The following NFRKB variants were observed in gnomAD, a reference collection of about 807,000 sequenced individuals.
NFRKB encodes the protein nuclear factor related to kappaB binding protein.
Under a neutral mutation model 135.7 loss-of-function variants are expected in NFRKB, and 62 were observed. That is an observed-to-expected ratio of 0.46 (90% CI 0.37 to 0.56). The LOEUF is 0.56. NFRKB is among the 20% of genes least tolerant of loss of function. The pLI is 0.00. For missense variants in NFRKB, 1,545 were observed against 1,662.0 expected (o/e 0.93, Z 1.22); for synonymous variants, 678 against 635.6 (o/e 1.07, Z -1.00).
intron 13 of NFRKB, 107 bp downstream of exon 13, chr11:129,881,336 C>A: frequency 8.7e-7 from 1 of 1,153,884 alleles, no homozygotes. Flanking sequence ...TCTGATATTG[C>A]TTTTTAAAAC....
intron 24 of NFRKB, among the ~76,000 whole-genome samples, chr11:129,867,900 C>T (rs1591472700): frequency 6.6e-6 from 1 of 152,220 alleles, no homozygotes; most frequent in African/African-American, 2.4e-5. Flanking sequence ...GCCTTTCAAG[C>T]TAGTGGGGGA....
chr11:129,895,206 C>G (rs1657833708), intron 1 of NFRKB, among the ~76,000 whole-genome samples: 1 of 152,198 alleles, frequency 6.6e-6, no homozygotes, highest in Non-Finnish European at 1.5e-5. Context: ...CCTTCCAGAG[C>G]AACCGCCGGC....
chr11:129,881,595 A>G (rs1949030628), intron 12 of NFRKB, 87 bp from the exon 13 acceptor site: 1 of 1,597,232 alleles, frequency 6.3e-7, no homozygotes, highest in African/African-American at 1.3e-5. Context: ...ATGTATTAGA[A>G]AAGCAGGAAC....
chr11:129,870,208 T>C lies in NFRKB; in HGVS notation c.2817A>G (p.Pro939=), dbSNP rs755592870. The change falls in exon 24 of 27, where the codon CCA becomes CCG. Residue 939 remains proline (P), a synonymous_variant. Transcript: ENST00000682444. ...GVKPQTGNSI[P]LTATNFRIQG... is the part of the protein sequence containing the mutation. ...GGATGCGGAAGTTAGTGGCTGTGAG[T>C]GGAATGCTGTTGCCTGTTTGGGGCT... is the stretch of plus-strand genomic sequence containing the variant. 1.9e-6 allele frequency: 3 copies of C among 1,614,044 alleles called. No individual in the cohort carries two copies. The highest frequency in any genetic ancestry group is 2.5e-6 in the Non-Finnish European group (3 of 1,180,004).
rs867336228 is a variant in NFRKB, at chr11:129,875,496, T to C, written c.1748-33A>G. ...CATGAGAAAGCACACAGTCCACAAG[T>C]CAGGCAGGGTTCCTACGGAGGTACA... On this transcript the variant is annotated intron_variant, in intron 17 of 26. Transcript: ENST00000682444. 9 of 1,534,650 alleles carry C rather than the reference T, an allele frequency of 5.9e-6. No individual in the cohort carries two copies. The Middle Eastern group carries it at 1.4e-3, about 230-fold the overall frequency.
At chr11:129,892,675 C>A (rs367824717) in intron 3 of NFRKB, 40 bp downstream of exon 3, 2 of 1,602,468 alleles carry the variant, frequency 1.2e-6, no homozygotes, top group African/African-American at 2.7e-5. Context: ...TACAAGGAAG[C>A]TGACAGAGAG....
At position 129,884,814 on chromosome 11, in the gene NFRKB, G is replaced by T. The variant is rs753017024; in HGVS notation, c.673C>A (p.Arg225Ser). ...AGGGGCACCGCAGGACTAGGAGAAC[G>T]TGCTGGAGAGCTCGGAAGCCATGAG... ...LSSWLPSSPA[R>S]SPSPAVPLRV... Residue 225 changes from arginine (R) to serine (S), a missense_variant, in exon 7 of 27, where the codon CGT (arginine) becomes AGT (serine). Transcript: ENST00000682444. 6.2e-7 allele frequency: 1 copy of T among 1,614,212 alleles called. No individual in the cohort carries two copies. The highest frequency in any genetic ancestry group is 1.3e-5 in the African/African-American group (1 of 75,064).
At chr11:129,867,473 C>T (rs533433308) in intron 24 of NFRKB, among the ~76,000 whole-genome samples, 4 of 152,152 alleles carry the variant, frequency 2.6e-5, no homozygotes, top group Admixed American at 6.5e-5. Context: ...CCCACCACCA[C>T]GCCCGGCTAA....
chr11:129,866,576 CAATA>C (rs1948204010), intron 24 of NFRKB, among the ~76,000 whole-genome samples: 1 of 151,634 alleles, frequency 6.6e-6, no homozygotes, highest in African/African-American at 2.4e-5. Context: ...GGGACACTAA[CAATA>C]AACTCAATCA....
intron 4 of NFRKB, chr11:129,888,262 A>C: frequency 3.4e-6 from 2 of 589,780 alleles, no homozygotes; most frequent in South Asian, 4.2e-5. Flanking sequence ...GCAATAAAGC[A>C]AATGGCAAGC....
intron 4 of NFRKB, among the ~76,000 whole-genome samples, chr11:129,887,991 T>C (rs7929654): frequency 0.34 from 52,071 of 152,090 alleles, 9,626 homozygotes; most frequent in Non-Finnish European, 0.4. Context: ...GAGCTGAGAT[T>C]GCGCCACTGC....
chr11:129,866,861 A>G (rs978358629), intron 24 of NFRKB, among the ~76,000 whole-genome samples: 1 of 152,162 alleles, frequency 6.6e-6, no homozygotes. Flanking sequence ...GCAGGCTAAC[A>G]CTAAGGAGAT....
intron 24 of NFRKB, among the ~76,000 whole-genome samples, chr11:129,869,140 A>T (rs1948364980): frequency 6.6e-6 from 1 of 152,236 alleles, no homozygotes; most frequent in Admixed American, 6.5e-5. Flanking sequence ...ATAAATGCCG[A>T]ACTACCAACA....
intron 2 of NFRKB, among the ~76,000 whole-genome samples, chr11:129,893,542 A>G (rs1949655033): frequency 6.6e-6 from 1 of 151,388 alleles, no homozygotes; most frequent in Non-Finnish European, 1.5e-5. Flanking sequence ...CCTGGGCAAC[A>G]GAGACCCTGT....
At chr11:129,879,690 G>A (rs543918659) in intron 13 of NFRKB, among the ~76,000 whole-genome samples, 2 of 152,250 alleles carry the variant, frequency 1.3e-5, no homozygotes, top group African/African-American at 4.8e-5. Context: ...CTCTCATGCT[G>A]TCACTCAGCC....
chr11:129,864,883 A>T (rs1487717211), intron 26 of NFRKB, 33 bp from the exon 27 acceptor site: 1 of 1,614,020 alleles, frequency 6.2e-7, no homozygotes. Context: ...AGGTCAATGG[A>T]TTGCAAGCGG....
intron 25 of NFRKB, 139 bp downstream of exon 25, chr11:129,865,738 G>C: frequency 1.4e-6 from 1 of 692,264 alleles, no homozygotes; most frequent in African/African-American, 1.8e-5. Context: ...AAATACTGTT[G>C]ATGAGCACAA....
chr11:129,871,682 C>T (rs1257314151), intron 23 of NFRKB, among the ~76,000 whole-genome samples: 3 of 152,204 alleles, frequency 2.0e-5, no homozygotes, highest in Non-Finnish European at 4.4e-5. Flanking sequence ...AACGGTCACT[C>T]CCATCTGCGG....
In NFRKB at chr11:129,869,916, T is replaced by C. The variant is rs750848856; in HGVS notation, c.3109A>G (p.Thr1037Ala). 4 of 1,614,088 alleles carry C rather than the reference T, an allele frequency of 2.5e-6. No individual in the cohort carries two copies. Among genetic ancestry groups the C allele is most frequent in the East Asian group, 2.2e-5 (1 of 44,904 alleles). ...GTCACTTTGACCACAGTGGTACCTGTTGGAGTGGATGAAGGGGCACTGGCT... is the reference window on the plus strand; with the variant it reads ...GTCACTTTGACCACAGTGGTACCTGCTGGAGTGGATGAAGGGGCACTGGCT... ...SSASAPSSTP[T>A]GTTVVKVTPD... Residue 1037 changes from threonine to alanine, a missense_variant, in exon 24 of 27, where the codon ACA becomes GCA. Around this residue, in one of 3 missense-constraint regions of NFRKB, gnomAD observed 753 missense variants for 804.3 expected, o/e 0.94. Transcript: ENST00000682444.
Sources: allele counts gnomAD v4.1 joint callset (sites outside exome capture counted in the v4.1 genomes callset), GRCh38; gene constraint gnomAD v4.1.1; regional missense constraint gnomAD v4.1.1; transcripts MANE v1.5; gene names NCBI Gene and HGNC (gene_info 2026-07-23, HGNC 2026-07-21).